The following ADAM29 variants were observed in gnomAD, a reference collection of about 807,000 sequenced individuals.
The protein encoded by ADAM29 is ADAM metallopeptidase domain 29, also known as disintegrin and metalloproteinase domain-containing protein 29.
For synonymous variants in ADAM29, 367 were observed against 342.3 expected, an observed-to-expected ratio of 1.07 and a Z score of -0.80; for missense variants, 969 against 1,001.8, an observed-to-expected ratio of 0.97 and a Z score of 0.44.
At chr4:174,964,266 G>C (rs1746027656) in intron 4 of ADAM29, among the ~76,000 whole-genome samples, 1 of 151,806 alleles carries the variant, frequency 6.6e-6, no homozygotes, top group South Asian at 2.1e-4. Context: ...ACACACAAGA[G>C]GCATCAAAGA....
intron 3 of ADAM29, chr4:174,931,409 T>G (rs1452640647): frequency 1.3e-5 from 2 of 152,230 alleles, no homozygotes; most frequent in African/African-American, 2.4e-5. Context: ...GGTTCTGAAT[T>G]TTAATTCTCA....
At chr4:174,921,726 C>T (rs1743178129) in intron 2 of ADAM29, among the ~76,000 whole-genome samples, 1 of 152,078 alleles carries the variant, frequency 6.6e-6, no homozygotes, top group African/African-American at 2.4e-5. Flanking sequence ...TTTTTAAAAG[C>T]TTTACTAAAT....
At chr4:174,923,303 C>T (rs1351401320) in intron 2 of ADAM29, among the ~76,000 whole-genome samples, 5 of 151,876 alleles carry the variant, frequency 3.3e-5, no homozygotes, top group Non-Finnish European at 7.4e-5. Context: ...GATCCACCCA[C>T]CTCGGACTCC....
intron 4 of ADAM29, among the ~76,000 whole-genome samples, chr4:174,959,769 A>T: frequency 6.6e-6 from 1 of 151,960 alleles, no homozygotes; most frequent in East Asian, 1.9e-4. Context: ...AATAGTGTTG[A>T]GTCTACTGAT....
chr4:174,968,509 A>G (rs1438307233), intron 4 of ADAM29, among the ~76,000 whole-genome samples: 1 of 152,084 alleles, frequency 6.6e-6, no homozygotes, highest in East Asian at 1.9e-4. Flanking sequence ...AGCACTTTAG[A>G]CTTGACCTTA....
Position 174,976,580 on chromosome 4 carries a change from C to T in ADAM29, c.1055C>T (p.Pro352Leu). 5 of 1,603,124 alleles carry T rather than the reference C, an allele frequency of 3.1e-6. No homozygotes were observed. The South Asian group carries it at 4.5e-5, about 14-fold the overall frequency. ...GAGGATACATGTCGTTGTTCACAACCTAGATGCATAATGCATGAAGGCAAC... is the reference window on the plus strand; with the variant it reads ...GAGGATACATGTCGTTGTTCACAACTTAGATGCATAATGCATGAAGGCAAC... Reference protein sequence around the residue: ...HDEDTCRCSQPRCIMHEGNPP... With the variant: ...HDEDTCRCSQLRCIMHEGNPP... The change falls in exon 5 of 5, where the codon CCT (proline) becomes CTT (leucine). Residue 352 changes from proline to leucine, a missense_variant. Transcript: ENST00000359240.
rs1746949188 is a variant in ADAM29 at position 174,977,755 on chromosome 4, C to T, written c.2230C>T (p.Pro744Ser). The T allele has an allele frequency of 6.2e-7, 1 of 1,604,102 alleles. No individual in the cohort carries two copies. The highest frequency in any genetic ancestry group is 8.5e-7 in the Non-Finnish European group (1 of 1,171,692). ...PWVMPSQSQP[P>S]VTPSQSHPQV... ...GGTGATGCCTTCCCAGAGTCAACCT[C>T]CTGTGACGCCTTCCCAGAGTCATCC... Residue 744 changes from proline to serine, a missense_variant, in exon 5 of 5, where the codon CCT becomes TCT. Transcript: ENST00000359240.
intron 1 of ADAM29, among the ~76,000 whole-genome samples, chr4:174,920,098 G>A (rs770334527): frequency 1.3e-5 from 2 of 152,206 alleles, no homozygotes; most frequent in Non-Finnish European, 2.9e-5. Context: ...CATGAATCAT[G>A]TTACCTATTC....
rs866772953 is a variant in ADAM29, at chr4:174,977,527, C to G, written c.2002C>G (p.Pro668Ala). ...YGGSVDSGPP[P>A]KRKKKKKFCY... ...AGGTAGTGTTGACAGTGGCCCACCC[C>G]CTAAGAGAAAGAAGAAAAAGAAGTT... The change falls in exon 5 of 5, where the codon CCT becomes GCT. Residue 668 changes from proline (P) to alanine (A), a missense_variant. Pro to Ala is a conservative substitution (Grantham distance 27). Transcript: ENST00000359240. 3 of 1,614,112 alleles carry G rather than the reference C, an allele frequency of 1.9e-6. No homozygotes were observed. Among genetic ancestry groups the G allele is most frequent in the African/African-American group, 2.7e-5 (2 of 75,012 alleles).
At chr4:174,956,597 G>C (rs190873505) in intron 4 of ADAM29, among the ~76,000 whole-genome samples, 4 of 151,870 alleles carry the variant, frequency 2.6e-5, no homozygotes, top group Admixed American at 6.6e-5. Context: ...GCTCAGTATA[G>C]TCAGTGCTTT....
chr4:174,954,332 A>T (rs1326847322), intron 4 of ADAM29, among the ~76,000 whole-genome samples: 5 of 152,148 alleles, frequency 3.3e-5, no homozygotes, highest in African/African-American at 1.2e-4. Context: ...TTTATCTTCA[A>T]ACCAGACACA....
chr4:174,933,561 A>G (rs1744031465), intron 3 of ADAM29, among the ~76,000 whole-genome samples: 1 of 152,090 alleles, frequency 6.6e-6, no homozygotes, highest in Non-Finnish European at 1.5e-5. Context: ...GTTGTACAGA[A>G]TATTTCTTCG....
intron 4 of ADAM29, among the ~76,000 whole-genome samples, chr4:174,969,507 CAATT>C (rs1204866142): frequency 3.3e-5 from 5 of 151,636 alleles, no homozygotes; most frequent in South Asian, 2.1e-4. Context: ...ATACAAGTAA[CAATT>C]AAACTCACAA....
At chr4:174,967,423 T>C (rs1746215468) in intron 4 of ADAM29, among the ~76,000 whole-genome samples, 1 of 152,208 alleles carries the variant, frequency 6.6e-6, no homozygotes, top group Admixed American at 6.5e-5. Flanking sequence ...ATTTATATCC[T>C]GTCTACCCTC....
In ADAM29 at chr4:174,976,732, G is replaced by A. The variant is rs1353451460; in HGVS notation, c.1207G>A (p.Gly403Ser). ...DIFNVKRCGNGVVEEGEECDC... is the reference protein window; with the variant it reads ...DIFNVKRCGNSVVEEGEECDC... ...CTTTAATGTGAAGCGCTGTGGGAAT[G>A]GTGTTGTTGAAGAAGGAGAAGAGTG... The change falls in exon 5 of 5, where the codon GGT becomes AGT. Residue 403 changes from glycine to serine, a missense_variant. By Grantham distance (56) the Gly-to-Ser change is moderately conservative (BLOSUM62 0). Transcript: ENST00000359240. 2 of 1,613,818 alleles carry A rather than the reference G, an allele frequency of 1.2e-6. No homozygotes were observed. The highest frequency in any genetic ancestry group is 2.7e-5 in the African/African-American group (2 of 74,920).
chr4:174,930,554 C>A (rs1743803661), intron 2 of ADAM29, among the ~76,000 whole-genome samples: 1 of 151,994 alleles, frequency 6.6e-6, no homozygotes, highest in African/African-American at 2.4e-5. Flanking sequence ...ATATTAAAGT[C>A]CTTAAAAATT....
At chr4:174,961,739 T>G (rs1579065382) in intron 4 of ADAM29, among the ~76,000 whole-genome samples, 1 of 152,200 alleles carries the variant, frequency 6.6e-6, no homozygotes, top group African/African-American at 2.4e-5. Context: ...ATAAGTTATA[T>G]GCTAACAGCA....
chr4:174,965,197 G>A (rs913495750), intron 4 of ADAM29, among the ~76,000 whole-genome samples: 2 of 152,038 alleles, frequency 1.3e-5, no homozygotes, highest in African/African-American at 2.4e-5. Context: ...TTCCTCCGTG[G>A]CAGAAAGCAG....
intron 4 of ADAM29, among the ~76,000 whole-genome samples, chr4:174,948,920 G>T (rs893686913): frequency 2.6e-5 from 4 of 152,286 alleles, no homozygotes; most frequent in African/African-American, 9.6e-5. Flanking sequence ...GGCTGGGTGA[G>T]CTTGTGCTGG....
Sources: gnomAD v4.1 joint callset for allele counts (sites outside exome capture counted in the v4.1 genomes callset) on GRCh38, gnomAD v4.1.1 for gene constraint, MANE v1.5 for transcripts, NCBI Gene and HGNC (gene_info 2026-07-23, HGNC 2026-07-21) for gene names.